The following CACNA1A variants were observed in gnomAD, a reference collection of about 807,000 sequenced individuals.
The protein encoded by CACNA1A is calcium voltage-gated channel subunit alpha1 A.
CACNA1A carries 57 observed loss-of-function variants against 262.4 expected under a neutral mutation model. The observed-to-expected ratio is 0.22, with a 90% CI of 0.18 to 0.27. The LOEUF (loss-of-function observed/expected upper bound fraction) is 0.27, where lower values mean the gene tolerates loss of function less well. CACNA1A is among the 10% of genes least tolerant of loss of function. The probability of loss-of-function intolerance (pLI) is 1.00; values close to 1 mark genes in which losing one functional copy is unlikely to be tolerated. For missense variants in CACNA1A, 2,526 were observed against 3,562.8 expected, an observed-to-expected ratio of 0.71 and a Z score of 7.41; for synonymous variants, 1,431 against 1,419.3, an observed-to-expected ratio of 1.01 and a Z score of -0.18.
chr19:13,490,176 C>T (rs1980584697), intron 1 of CACNA1A, among the ~76,000 whole-genome samples: 1 of 152,216 alleles, frequency 6.6e-6, no homozygotes, highest in Non-Finnish European at 1.5e-5. Flanking sequence ...ATGTGCCACG[C>T]ATGATGTTTT....
chr19:13,281,547 C>A (rs569874801), intron 22 of CACNA1A, among the ~76,000 whole-genome samples: 1 of 151,846 alleles, frequency 6.6e-6, no homozygotes, highest in Non-Finnish European at 1.5e-5. Flanking sequence ...TCCTGGGCAT[C>A]GGCGGGTGCT....
At chr19:13,292,690 T>A (rs916025267) in intron 19 of CACNA1A, among the ~76,000 whole-genome samples, 5 of 152,234 alleles carry the variant, frequency 3.3e-5, no homozygotes, top group Non-Finnish European at 7.3e-5. Flanking sequence ...AAGGAATGAC[T>A]GAAGAAGAGG....
chr19:13,305,556 G>A (rs2144990245), intron 15 of CACNA1A, among the ~76,000 whole-genome samples: 1 of 152,220 alleles, frequency 6.6e-6, no homozygotes, highest in African/African-American at 2.4e-5. Context: ...TGATATTTGG[G>A]GCCAGATTAT....
intron 6 of CACNA1A, among the ~76,000 whole-genome samples, chr19:13,355,577 C>A (rs1030824639): frequency 4.6e-5 from 7 of 152,070 alleles, no homozygotes; most frequent in South Asian, 4.1e-4. Flanking sequence ...GCAAAACGCC[C>A]GACAGGGAGG....
chr19:13,231,111 C>G (rs547555363), intron 35 of CACNA1A, among the ~76,000 whole-genome samples: 3 of 151,956 alleles, frequency 2.0e-5, no homozygotes, highest in Non-Finnish European at 4.4e-5. Flanking sequence ...TCAAGTGATC[C>G]TCCCACCTCA....
At chr19:13,282,575 A>C (rs1452230216) in intron 22 of CACNA1A, among the ~76,000 whole-genome samples, 1 of 151,534 alleles carries the variant, frequency 6.6e-6, no homozygotes, top group Non-Finnish European at 1.5e-5. Flanking sequence ...AAGCAGTGGG[A>C]GCTTTGGGGG....
In CACNA1A at chr19:13,226,431, G is replaced by A. The variant is rs116971245; in HGVS notation, c.5625+1000C>T. 4.2e-3 allele frequency: 646 copies of A among 152,504 alleles called. 4 individuals are homozygous for A. The highest frequency in any genetic ancestry group is 0.023 in the Middle Eastern group (7 of 298). The allele number at this position is 152,504 out of a possible 1,614,324, so 9.4% of individuals were successfully genotyped here. A position where few individuals can be genotyped will look rare whatever the true frequency, so the allele number is the denominator to read the frequency against. On this transcript the variant is annotated intron_variant, in intron 37 of 46. Transcript: ENST00000360228. ...AAGGAAAGGAATGAGGTGGCAACAC[G>A]GGGCAGGTACAAATAGCATTGATGG...
At chr19:13,457,735 C>T (rs1208545627) in intron 1 of CACNA1A, among the ~76,000 whole-genome samples, 4 of 151,980 alleles carry the variant, frequency 2.6e-5, no homozygotes, top group Non-Finnish European at 5.9e-5. Flanking sequence ...TGCCTGTAAT[C>T]CCAGCTACTC....
intron 30 of CACNA1A, among the ~76,000 whole-genome samples, chr19:13,249,387 G>C (rs1225397879): frequency 6.6e-6 from 1 of 152,064 alleles, no homozygotes; most frequent in East Asian, 1.9e-4. Flanking sequence ...ACAGGGTCTT[G>C]CTCTGTCACC....
intron 3 of CACNA1A, among the ~76,000 whole-genome samples, chr19:13,402,879 T>C (rs1351074111): frequency 0.062 from 3,947 of 63,300 alleles, 79 homozygotes; most frequent in African/African-American, 0.23. Flanking sequence ...CACACATATA[T>C]ATATATATAT....
intron 34 of CACNA1A, among the ~76,000 whole-genome samples, chr19:13,232,508 G>A (rs562413099): frequency 7.2e-5 from 11 of 151,998 alleles, no homozygotes; most frequent in Non-Finnish European, 1.5e-4. Flanking sequence ...GAGGTGGGTG[G>A]ATCACGAGGT....
At chr19:13,324,171 G>A (rs1332891939) in intron 10 of CACNA1A, among the ~76,000 whole-genome samples, 2 of 152,122 alleles carry the variant, frequency 1.3e-5, no homozygotes, top group African/African-American at 4.8e-5. Flanking sequence ...ACATGTGGGA[G>A]CTTAAAACTA....
chr19:13,451,894 C>G (rs2060922189), intron 3 of CACNA1A: 1 of 152,094 alleles, frequency 6.6e-6, no homozygotes, highest in South Asian at 2.1e-4. Flanking sequence ...CTCTGTTGCC[C>G]AGGCTGGAGC....
intron 10 of CACNA1A, among the ~76,000 whole-genome samples, chr19:13,318,284 C>T (rs1434885014): frequency 2.0e-5 from 3 of 152,124 alleles, no homozygotes; most frequent in Non-Finnish European, 2.9e-5. Flanking sequence ...ATTTAAGGTC[C>T]TGAAGCATGA....
chr19:13,390,692 G>A (rs565898906), intron 3 of CACNA1A, among the ~76,000 whole-genome samples: 1 of 151,856 alleles, frequency 6.6e-6, no homozygotes, highest in Non-Finnish European at 1.5e-5. Flanking sequence ...TATTTACCAT[G>A]TGCTAATTCC....
intron 3 of CACNA1A, among the ~76,000 whole-genome samples, chr19:13,445,116 G>A (rs1440823183): frequency 6.6e-6 from 1 of 150,538 alleles, no homozygotes; most frequent in Non-Finnish European, 1.5e-5. Context: ...CTCTAGCCTG[G>A]GCAACAAGAG....
At chr19:13,357,162 A>C (rs1321206152) in intron 6 of CACNA1A, among the ~76,000 whole-genome samples, 1 of 152,118 alleles carries the variant, frequency 6.6e-6, no homozygotes, top group African/African-American at 2.4e-5. Flanking sequence ...AGTTTTTGCA[A>C]ATCTCCCTCC....
chr19:13,452,126 C>T (rs530911427), intron 3 of CACNA1A: 1 of 152,332 alleles, frequency 6.6e-6, no homozygotes, highest in African/African-American at 2.4e-5. Context: ...TGCACCACCA[C>T]ACCCAGCTCA....
chr19:13,445,027 C>A (rs932281318), intron 3 of CACNA1A, among the ~76,000 whole-genome samples: 4 of 151,722 alleles, frequency 2.6e-5, no homozygotes. Flanking sequence ...GTAATCCCAG[C>A]TACTCAGAAG....
Sources: allele counts gnomAD v4.1 joint callset (sites outside exome capture counted in the v4.1 genomes callset), GRCh38; gene constraint gnomAD v4.1.1; transcripts MANE v1.5; gene names NCBI Gene and HGNC (gene_info 2026-07-23, HGNC 2026-07-21).